PELP1: variants seen among roughly 807,000 people sequenced by gnomAD.
The protein encoded by PELP1 is proline-, glutamic acid- and leucine-rich protein 1.
A neutral mutation model predicts 95.5 loss-of-function variants in PELP1; 32 were observed. That is an observed-to-expected ratio of 0.34 (90% CI 0.25 to 0.45). The LOEUF is 0.45. Ranked by LOEUF, PELP1 falls within the 20% of genes least tolerant of loss-of-function variation. The pLI, the probability that PELP1 is intolerant of heterozygous loss-of-function variation, is 1.00. For missense variants in PELP1, 1,358 were observed against 1,444.8 expected, an observed-to-expected ratio of 0.94 and a Z score of 0.97; for synonymous variants, 668 against 600.1, an observed-to-expected ratio of 1.11 and a Z score of -1.65.
At chr17:4,697,207 A>C (rs1049904525) in intron 1 of PELP1, among the ~76,000 whole-genome samples, 1 of 149,386 alleles carries the variant, frequency 6.7e-6, no homozygotes, top group Non-Finnish European at 1.5e-5. Flanking sequence ...GTGTGATAAC[A>C]GGAGAATCGA....
At chr17:4,683,463 C>T (rs1350245891) in intron 3 of PELP1, among the ~76,000 whole-genome samples, 2 of 151,322 alleles carry the variant, frequency 1.3e-5, no homozygotes, top group East Asian at 3.9e-4. Context: ...TCGTGATCTG[C>T]CCGCCTTGGC....
Position 4,675,005 on chromosome 17 carries a change from A to G in PELP1, c.1275-49T>C. The G allele has an allele frequency of 6.2e-7, 1 of 1,605,992 alleles. No individual in the cohort carries two copies. The highest frequency in any genetic ancestry group is 8.5e-7 in the Non-Finnish European group (1 of 1,173,792). On this transcript the variant is annotated intron_variant, in intron 11 of 16. Coordinates refer to ENST00000572293, the MANE Select transcript of PELP1 (RefSeq NM_014389.3). The surrounding 1 kb of genome is among the most constrained non-coding windows in gnomAD (Gnocchi z 4.3). ...GTTATGAATGGGGGGTCAACATGCCAGAAGCCCCAGCCCACCTGCACCCCC... is the reference window on the plus strand; with the variant it reads ...GTTATGAATGGGGGGTCAACATGCCGGAAGCCCCAGCCCACCTGCACCCCC...
chr17:4,696,327 T>C (rs1017546174), intron 1 of PELP1, among the ~76,000 whole-genome samples: 18 of 152,134 alleles, frequency 1.2e-4, no homozygotes, highest in African/African-American at 3.6e-4. Context: ...AGCAACATCC[T>C]GTCTCAAAAA....
intron 5 of PELP1, among the ~76,000 whole-genome samples, 190 bp from the exon 6 acceptor site, chr17:4,677,002 C>A (rs1288676313): frequency 6.6e-6 from 1 of 152,194 alleles, no homozygotes; most frequent in Admixed American, 6.5e-5. Flanking sequence ...CTCCTCAACG[C>A]CAGCTCTGGT....
Position 4,674,839 on chromosome 17 carries a change from G to C in PELP1, c.1392C>G (p.Ser464Arg). 6.2e-7 allele frequency: 1 copy of C among 1,612,966 alleles called. No homozygotes were observed. The highest frequency in any genetic ancestry group is 1.3e-5 in the African/African-American group (1 of 75,028). ...SGEALLTHLLSDISPPADALK... is the reference protein window; with the variant it reads ...SGEALLTHLLRDISPPADALK... ...GGGCATCAGCTGGCGGGGAGATGTC[G>C]CTGAGCAGGTGGGTGAGCAGGGCCT... The change falls in exon 12 of 17, where the codon AGC becomes AGG. Residue 464 changes from serine (S) to arginine (R), a missense_variant. Ser to Arg is a moderately radical substitution (Grantham distance 110). Coordinates refer to ENST00000572293, the MANE Select transcript of PELP1 (RefSeq NM_014389.3).
rs147568274 is a variant in PELP1 at position 4,695,174 on chromosome 17, T to C, written c.250-3732A>G. Among the ~76,000 whole-genome samples the C allele has an allele frequency of 1.3e-4, 20 of 150,230 alleles. No individual in the cohort carries two copies. In the East Asian group the frequency reaches 3.9e-3, roughly 30 times the overall value. On this transcript the variant is annotated intron_variant, in intron 1 of 16. Transcript: ENST00000572293. Reference sequence around the variant, plus strand: ...CGTCTCTACTGAAAAATACAAAAATTAGCCGGACATGGTGGCGGGCGCCCG... The same window carrying C: ...CGTCTCTACTGAAAAATACAAAAATCAGCCGGACATGGTGGCGGGCGCCCG...
At chr17:4,691,019 T>C (rs1200308279) in intron 2 of PELP1, 26 bp from the exon 3 acceptor site, 3 of 1,525,094 alleles carry the variant, frequency 2.0e-6, no homozygotes, top group East Asian at 4.5e-5. Context: ...AGAGTCATGT[T>C]AAGTGGGCGG....
chr17:4,672,418 G>A lies in PELP1; in HGVS notation c.2573C>T (p.Pro858Leu). 6.4e-7 allele frequency: 1 copy of A among 1,568,482 alleles called. No individual in the cohort carries two copies. Among genetic ancestry groups the A allele is most frequent in the Non-Finnish European group, 8.6e-7 (1 of 1,156,580 alleles). The part of the protein sequence containing the change: ...PVPGPVTLPP[P>L]QLVPEGTPGG... Reference sequence around the variant, plus strand: ...AGGAGTCCCTTCAGGGACCAACTGGGGTGGAGGGAGCGTCACAGGACCAGG... The same window carrying A: ...AGGAGTCCCTTCAGGGACCAACTGGAGTGGAGGGAGCGTCACAGGACCAGG... Residue 858 changes from proline to leucine, a missense_variant, in exon 16 of 17, where the codon CCC (proline) becomes CTC (leucine). By Grantham distance (98) the Pro-to-Leu change is moderately conservative. Coordinates refer to ENST00000572293, the MANE Select transcript of PELP1 (RefSeq NM_014389.3).
chr17:4,701,612 C>A (rs897291689), intron 1 of PELP1, among the ~76,000 whole-genome samples: 18 of 152,300 alleles, frequency 1.2e-4, no homozygotes, highest in African/African-American at 4.1e-4. Context: ...GCAGTACCTG[C>A]GGAAAAGCCA....
Position 4,672,191 on chromosome 17 carries a change from C to A in PELP1, c.2800G>T (p.Glu934Ter). Residue 934 changes from glutamate to a stop codon, truncating the protein, a stop_gained, in exon 16 of 17, where the codon GAA (glutamate) becomes TAA (stop). Coordinates refer to ENST00000572293, the MANE Select transcript of PELP1 (RefSeq NM_014389.3). LOFTEE classifies it high-confidence loss of function. The part of the protein sequence containing the change: ...EEEEEEEFEE[E>*]FEEEEGELEE... ...AACTCACCTTCTTCTTCCTCAAATT[C>A]TTCCTCAAACTCTTCTTCCTCCTCT... is the stretch of plus-strand genomic sequence containing the variant. The A allele has an allele frequency of 6.4e-7, 1 of 1,552,304 alleles. No individual in the cohort carries two copies.
intron 1 of PELP1, among the ~76,000 whole-genome samples, chr17:4,700,958 G>A (rs1373414115): frequency 3.0e-4 from 6 of 20,094 alleles, no homozygotes; most frequent in Admixed American, 6.6e-4. Context: ...GAAAAGAAAA[G>A]AAAAAGAGAA....
rs577408402 is a variant in PELP1, at chr17:4,698,341, G to C, written c.249+5522C>G. On this transcript the variant is annotated intron_variant, in intron 1 of 16. Transcript: ENST00000572293. The stretch of plus-strand genomic sequence containing the variant: ...ATTTCAGATTAAAGAATACTAAAGA[G>C]ACATTATAACTAAAAGCAAGCTGGG... 3.3e-5 allele frequency among the ~76,000 whole-genome samples: 5 copies of C among 152,070 alleles called. No homozygotes were observed. The South Asian group carries it at 1.0e-3, about 32-fold the overall frequency.
intron 1 of PELP1, among the ~76,000 whole-genome samples, chr17:4,702,034 T>G (rs892255547): frequency 2.0e-5 from 3 of 152,182 alleles, no homozygotes; most frequent in African/African-American, 7.2e-5. Context: ...TAGTTGACTT[T>G]GAGGGAGGAG....
chr17:4,686,293 T>C (rs982096524), intron 3 of PELP1, among the ~76,000 whole-genome samples: 18 of 152,218 alleles, frequency 1.2e-4, no homozygotes, highest in African/African-American at 4.1e-4. Context: ...GGAGTCACCC[T>C]GGACATGTGT....
Position 4,671,438 on chromosome 17 carries a change from G to A in PELP1, c.*1C>T. 1 of 1,395,684 alleles carries A rather than the reference G, an allele frequency of 7.2e-7. No individual in the cohort carries two copies. The highest frequency in any genetic ancestry group is 1.0e-6 in the Non-Finnish European group (1 of 980,420). 86.5% of individuals were successfully genotyped at this position (1,395,684 alleles called of 1,614,324 possible). Reference sequence around the variant, plus strand: ...AACAAAGAGTGGGGTGCAGAAGATGGCTAGGAGTCAGGCTCTGTGGGAGGT... The same window carrying A: ...AACAAAGAGTGGGGTGCAGAAGATGACTAGGAGTCAGGCTCTGTGGGAGGT... On this transcript the variant is annotated 3_prime_UTR_variant, in exon 17 of 17. Coordinates refer to ENST00000572293, the MANE Select transcript of PELP1 (RefSeq NM_014389.3).
At chr17:4,671,553 G>A (rs1217882021) in intron 16 of PELP1, 22 bp from the exon 17 acceptor site, 1 of 1,613,056 alleles carries the variant, frequency 6.2e-7, no homozygotes, top group Non-Finnish European at 8.5e-7. Flanking sequence ...AAAGATACAA[G>A]ATTCAGAATA....
intron 1 of PELP1, among the ~76,000 whole-genome samples, chr17:4,701,263 T>C (rs1286519989): frequency 7.1e-6 from 1 of 141,412 alleles, no homozygotes; most frequent in African/African-American, 2.7e-5. Context: ...CCAAGAAATA[T>C]ATCCCAAAGG....
At chr17:4,686,218 A>C (rs1261271772) in intron 3 of PELP1, among the ~76,000 whole-genome samples, 1 of 152,152 alleles carries the variant, frequency 6.6e-6, no homozygotes, top group African/African-American at 2.4e-5. Context: ...CTGAATGCTC[A>C]AGGCCACAGC....
In PELP1 at chr17:4,674,558, T is replaced by G; in HGVS notation, c.1534A>C (p.Lys512Gln). Residue 512 changes from lysine to glutamine, a missense_variant, in exon 13 of 17, where the codon AAA becomes CAA. Physicochemically the swap from Lys to Gln is moderately conservative, Grantham distance 53. This residue lies in a region of PELP1 where 538 missense variants were observed against 628.1 expected (regional missense o/e 0.86). Transcript: ENST00000572293. The part of the protein sequence containing the change: ...GEAMAPPSHR[K>Q]GDSNANSDVC... The stretch of plus-strand genomic sequence containing the variant: ...TCGCTGTTGGCATTGCTATCCCCTT[T>G]CCGGTGGCTTGGCGGGGCCATAGCT... 5 of 1,612,894 alleles carry G rather than the reference T, an allele frequency of 3.1e-6. No homozygotes were observed. Among genetic ancestry groups the G allele is most frequent in the Non-Finnish European group, 4.2e-6 (5 of 1,179,502 alleles).
Sources: gnomAD v4.1 joint callset for allele counts (sites outside exome capture counted in the v4.1 genomes callset) on GRCh38, gnomAD v4.1.1 for gene constraint, gnomAD v4.1.1 regional missense constraint, Gnocchi (gnomAD v3.1) non-coding constraint, MANE v1.5 for transcripts, NCBI Gene and HGNC (gene_info 2026-07-23, HGNC 2026-07-21) for gene names.